RBFOX1: variants seen among roughly 807,000 people sequenced by gnomAD.
The protein encoded by RBFOX1 is RNA binding protein fox-1 homolog 1.
A neutral mutation model predicts 57.7 loss-of-function variants in RBFOX1; 8 were observed. That is an observed-to-expected ratio of 0.14 (90% confidence interval 0.08 to 0.25). The LOEUF is 0.25. Ranked by LOEUF, RBFOX1 falls within the 10% of genes least tolerant of loss-of-function variation. The probability of loss-of-function intolerance (pLI) is 1.00; values close to 1 mark genes in which losing one functional copy is unlikely to be tolerated. For synonymous variants in RBFOX1, 326 were observed against 222.4 expected (o/e 1.47, Z -4.15); for missense variants, 611 against 548.5 (o/e 1.11, Z -1.14).
intron 1 of RBFOX1, among the ~76,000 whole-genome samples, chr16:5,405,714 G>T (rs775128213): frequency 5.3e-5 from 8 of 152,152 alleles, no homozygotes; most frequent in Non-Finnish European, 8.8e-5. Flanking sequence ...CTTGGTTTGC[G>T]GGGATAAGTT....
intron 3 of RBFOX1, among the ~76,000 whole-genome samples, chr16:5,798,940 C>T (rs570749043): frequency 2.0e-5 from 3 of 152,116 alleles, no homozygotes; most frequent in Non-Finnish European, 4.4e-5. Flanking sequence ...CCACTTGACT[C>T]CTGCAAGATC....
At chr16:6,543,474 C>G (rs1298307705) in intron 2 of RBFOX1, among the ~76,000 whole-genome samples, 3 of 152,150 alleles carry the variant, frequency 2.0e-5, no homozygotes, top group Non-Finnish European at 2.9e-5. Flanking sequence ...TGACATGTGG[C>G]TCAGTTTGGG....
intron 4 of RBFOX1, among the ~76,000 whole-genome samples, chr16:7,314,193 C>G (rs907086057): frequency 1.3e-5 from 2 of 152,170 alleles, no homozygotes; most frequent in African/African-American, 4.8e-5. Context: ...GCAACCAATT[C>G]CAATCCCCAA....
At chr16:6,396,065 CAAAAAAAAAAAA>C (rs1165644198) in intron 2 of RBFOX1, among the ~76,000 whole-genome samples, 1 of 61,472 alleles carries the variant, frequency 1.6e-5, no homozygotes, top group South Asian at 7.3e-4. Flanking sequence ...GACTCCTTCT[CAAAAAAAAAAAA>C]AAAAAAAAAA....
intron 1 of RBFOX1, among the ~76,000 whole-genome samples, chr16:6,151,500 G>A (rs967435224): frequency 6.6e-6 from 1 of 152,092 alleles, no homozygotes; most frequent in African/African-American, 2.4e-5. Flanking sequence ...TGGCCAGGCT[G>A]GTGTTGAATT....
chr16:6,503,721 A>T (rs2096007525), intron 2 of RBFOX1, among the ~76,000 whole-genome samples: 1 of 152,090 alleles, frequency 6.6e-6, no homozygotes, highest in Non-Finnish European at 1.5e-5. Flanking sequence ...GCATTTTCTG[A>T]TGTCTACTGG....
intron 3 of RBFOX1, among the ~76,000 whole-genome samples, chr16:6,803,159 A>T (rs1023649847): frequency 6.6e-6 from 1 of 151,982 alleles, no homozygotes; most frequent in Non-Finnish European, 1.5e-5. Flanking sequence ...TTTAAATGCC[A>T]TGAGTTAGAC....
At chr16:5,705,670 A>G (rs999449646) in intron 3 of RBFOX1, among the ~76,000 whole-genome samples, 1 of 152,232 alleles carries the variant, frequency 6.6e-6, no homozygotes, top group African/African-American at 2.4e-5. Flanking sequence ...GAGGAGAGAA[A>G]GAGATGAGAC....
intron 3 of RBFOX1, among the ~76,000 whole-genome samples, chr16:6,754,376 T>C (rs550178956): frequency 6.6e-6 from 1 of 152,340 alleles, no homozygotes; most frequent in East Asian, 1.9e-4. Context: ...GGAATTAAAT[T>C]TATTTGTAAA....
In RBFOX1 at chr16:7,348,923, C is replaced by T. The variant is rs546244487; in HGVS notation, c.28-169224C>T. On this transcript the variant is annotated intron_variant, in intron 4 of 15. Coordinates refer to ENST00000550418, the MANE Select transcript of RBFOX1 (RefSeq NM_018723.4). ...CGCCACTGCACTCCAGCCTGGGTGA[C>T]ACAGCGAGACTCCACCTCAAAGAAA... Among the ~76,000 whole-genome samples, 43 of 152,184 alleles carry T rather than the reference C, an allele frequency of 2.8e-4. No homozygotes were observed. The South Asian group carries it at 8.7e-3, about 31-fold the overall frequency.
At chr16:6,700,736 C>G (rs1463275198) in intron 3 of RBFOX1, among the ~76,000 whole-genome samples, 1 of 152,138 alleles carries the variant, frequency 6.6e-6, no homozygotes, top group Non-Finnish European at 1.5e-5. Flanking sequence ...GTAAGACAGA[C>G]TTTCTTGAAA....
At chr16:6,901,982 C>G (rs1331759418) in intron 3 of RBFOX1, among the ~76,000 whole-genome samples, 1 of 152,014 alleles carries the variant, frequency 6.6e-6, no homozygotes, top group Non-Finnish European at 1.5e-5. Context: ...TTACAGACAT[C>G]TGTTTATCAG....
At chr16:6,333,323 G>A (rs563901604) in intron 2 of RBFOX1, among the ~76,000 whole-genome samples, 1 of 152,222 alleles carries the variant, frequency 6.6e-6, no homozygotes, top group Admixed American at 6.5e-5. Flanking sequence ...GGGATGACAG[G>A]TGTGAGCCAC....
At chr16:5,409,502 CCTTTAAAAGCCTT>C (rs1337992576) in intron 1 of RBFOX1, among the ~76,000 whole-genome samples, 1 of 152,220 alleles carries the variant, frequency 6.6e-6, no homozygotes, top group Non-Finnish European at 1.5e-5. Context: ...TTCTTATACT[CCTTTAAAAGCCTT>C]CTTTGAAAGT....
In RBFOX1 at chr16:6,196,508, C is replaced by T. The variant is rs539085466; in HGVS notation, c.-126-120487C>T. 7.2e-5 allele frequency among the ~76,000 whole-genome samples: 11 copies of T among 152,222 alleles called. No homozygotes were observed. The South Asian group carries it at 2.3e-3, about 32-fold the overall frequency. On this transcript the variant is annotated intron_variant, in intron 1 of 15. Coordinates refer to ENST00000550418, the MANE Select transcript of RBFOX1 (RefSeq NM_018723.4). ...TATTAACGATAAATAATTAGCTTCC[C>T]ATTCTGAAATATTTCAATATGGATG... is the stretch of plus-strand genomic sequence containing the variant.
At chr16:6,048,392 T>C (rs747220730) in intron 1 of RBFOX1, among the ~76,000 whole-genome samples, 1 of 152,240 alleles carries the variant, frequency 6.6e-6, no homozygotes, top group Non-Finnish European at 1.5e-5. Context: ...TCATAAAGAC[T>C]GGATACCAGA....
At chr16:6,999,547 A>T (rs1158644480) in intron 3 of RBFOX1, among the ~76,000 whole-genome samples, 1 of 152,080 alleles carries the variant, frequency 6.6e-6, no homozygotes, top group Non-Finnish European at 1.5e-5. Flanking sequence ...TCAAAAAAAC[A>T]CAAAAGTAGA....
At chr16:6,323,744 A>T (rs1018023734) in intron 2 of RBFOX1, among the ~76,000 whole-genome samples, 1 of 150,950 alleles carries the variant, frequency 6.6e-6, no homozygotes, top group Non-Finnish European at 1.5e-5. Context: ...GTTTCCATAC[A>T]TCATGGGTAT....
chr16:7,608,901 A>G (rs1029473066), intron 10 of RBFOX1, among the ~76,000 whole-genome samples: 4 of 152,106 alleles, frequency 2.6e-5, no homozygotes, highest in African/African-American at 9.7e-5. Context: ...AGACAAAGAG[A>G]TTCTTTCCTT....
Sources: gnomAD v4.1 joint callset for allele counts (sites outside exome capture counted in the v4.1 genomes callset) on GRCh38, gnomAD v4.1.1 for gene constraint, MANE v1.5 for transcripts, NCBI Gene and HGNC (gene_info 2026-07-23, HGNC 2026-07-21) for gene names.